Variants in ZNF521 observed in about 807,000 individuals in gnomAD.
ZNF521 encodes the protein zinc finger protein 521.
A neutral mutation model predicts 105.5 loss-of-function variants in ZNF521; 14 were observed. The ratio of observed to expected loss-of-function variants is 0.13; its 90% CI spans 0.09 to 0.21. The LOEUF (loss-of-function observed/expected upper bound fraction) is 0.21. Among genes scored for constraint, ZNF521 ranks in the 10% least tolerant of loss-of-function variants. ZNF521 has a pLI of 1.00. For missense variants in ZNF521, 1,233 were observed against 1,629.7 expected (o/e 0.76, Z 4.19); for synonymous variants, 635 against 606.0 (o/e 1.05, Z -0.70).
intron 3 of ZNF521, among the ~76,000 whole-genome samples, chr18:25,262,492 C>T (rs75453313): frequency 0.015 from 2,301 of 152,212 alleles, 52 homozygotes; most frequent in East Asian, 0.082. Flanking sequence ...TGTTGGTTAT[C>T]CACATCTTAG....
chr18:25,347,349 A>T (rs913332039), intron 2 of ZNF521, among the ~76,000 whole-genome samples: 5 of 152,246 alleles, frequency 3.3e-5, no homozygotes, highest in Non-Finnish European at 7.3e-5. Flanking sequence ...GATTCGTACC[A>T]TAAGGACAGA....
intron 3 of ZNF521, among the ~76,000 whole-genome samples, chr18:25,269,106 CAA>C (rs199827639): frequency 9.6e-4 from 58 of 60,670 alleles, no homozygotes; most frequent in Non-Finnish European, 1.4e-3. Flanking sequence ...AAATGGAAAG[CAA>C]AAAAAAAAAA....
intron 7 of ZNF521, among the ~76,000 whole-genome samples, chr18:25,071,096 T>C (rs368473225): frequency 3.9e-5 from 6 of 152,226 alleles, no homozygotes; most frequent in East Asian, 1.9e-4. Context: ...GAGCTTGCTA[T>C]ACCATGCTTG....
chr18:25,235,090 C>G (rs1033498613), intron 3 of ZNF521, among the ~76,000 whole-genome samples: 1 of 152,132 alleles, frequency 6.6e-6, no homozygotes, highest in African/African-American at 2.4e-5. Flanking sequence ...CACACACTGG[C>G]CAGTTGTGAT....
chr18:25,160,218 A>G (rs1267597079), intron 5 of ZNF521, among the ~76,000 whole-genome samples: 1 of 152,208 alleles, frequency 6.6e-6, no homozygotes, highest in Non-Finnish European at 1.5e-5. Flanking sequence ...AAAAGTCATG[A>G]AAATGAAATC....
At chr18:25,274,802 T>G (rs1466344223) in intron 3 of ZNF521, among the ~76,000 whole-genome samples, 1 of 152,162 alleles carries the variant, frequency 6.6e-6, no homozygotes, top group East Asian at 1.9e-4. Flanking sequence ...GAGTTGTCAT[T>G]TGAATATATT....
chr18:25,321,244 AC>A (rs1912922809), intron 3 of ZNF521, among the ~76,000 whole-genome samples: 1 of 152,218 alleles, frequency 6.6e-6, no homozygotes, highest in Non-Finnish European at 1.5e-5. Context: ...AAAATGCCCT[AC>A]CCAGGCTCAG....
At chr18:25,069,077 T>G (rs534274342) in intron 7 of ZNF521, among the ~76,000 whole-genome samples, 1 of 152,378 alleles carries the variant, frequency 6.6e-6, no homozygotes, top group African/African-American at 2.4e-5. Flanking sequence ...GGCTTAGAGC[T>G]TTTAGTACTA....
chr18:25,333,212 G>A (rs549322979), intron 2 of ZNF521, among the ~76,000 whole-genome samples: 47 of 151,092 alleles, frequency 3.1e-4, no homozygotes, highest in African/African-American at 9.7e-4. Flanking sequence ...ACACATAGGA[G>A]GAAATGGCTG....
At chr18:25,184,850 G>T (rs947093183) in intron 5 of ZNF521, among the ~76,000 whole-genome samples, 1 of 152,118 alleles carries the variant, frequency 6.6e-6, no homozygotes, top group African/African-American at 2.4e-5. Flanking sequence ...GAGTAATAGT[G>T]CCCCTAAATA....
At chr18:25,319,426 T>G (rs1912814238) in intron 3 of ZNF521, among the ~76,000 whole-genome samples, 1 of 152,070 alleles carries the variant, frequency 6.6e-6, no homozygotes, top group Non-Finnish European at 1.5e-5. Context: ...AAACCCTGTC[T>G]CTACTAAAAA....
chr18:25,203,220 A>G (rs775080459), intron 4 of ZNF521, among the ~76,000 whole-genome samples: 2 of 152,208 alleles, frequency 1.3e-5, no homozygotes, highest in Admixed American at 6.5e-5. Context: ...AGAACATGTC[A>G]GAGAGTGACA....
intron 3 of ZNF521, among the ~76,000 whole-genome samples, chr18:25,321,087 A>T (rs1337645791): frequency 6.6e-6 from 1 of 152,240 alleles, no homozygotes; most frequent in Non-Finnish European, 1.5e-5. Context: ...CAGTAAACAC[A>T]TTTCCCATAC....
chr18:25,281,994 T>A (rs948670127), intron 3 of ZNF521, among the ~76,000 whole-genome samples: 1 of 152,148 alleles, frequency 6.6e-6, no homozygotes, highest in African/African-American at 2.4e-5. Context: ...CAAAATAGGA[T>A]CCTGTTTTTC....
chr18:25,176,981 CCTT>C (rs2035546696), intron 5 of ZNF521, among the ~76,000 whole-genome samples: 1 of 152,232 alleles, frequency 6.6e-6, no homozygotes, highest in Non-Finnish European at 1.5e-5. Flanking sequence ...GCCCCCTTCT[CCTT>C]CTGCCTACAT....
chr18:25,249,375 T>G (rs189473928), intron 3 of ZNF521, among the ~76,000 whole-genome samples: 26 of 152,030 alleles, frequency 1.7e-4, no homozygotes, highest in African/African-American at 6.3e-4. Context: ...GCCAGGATGG[T>G]CTCCATCTCC....
rs72874420 is a variant in ZNF521 at position 25,186,919 on chromosome 18, A to G, written c.3658+8241T>C. Among the ~76,000 whole-genome samples the G allele has an allele frequency of 1.1e-3, 157 of 149,310 alleles. 1 individual carries two copies. Among genetic ancestry groups the G allele is most frequent in the East Asian group, 2.6e-3 (13 of 5,026 alleles). On this transcript the variant is annotated intron_variant, in intron 5 of 7. Coordinates refer to ENST00000361524, the MANE Select transcript of ZNF521 (RefSeq NM_015461.3). The stretch of plus-strand genomic sequence containing the variant: ...AAAGTAATGCTAAAAAAAAAAAAAA[A>G]AAGAAAAAGAAAGAAAAAGAAGAAA...
rs147617864 is a variant in ZNF521 at position 25,225,330 on chromosome 18, G to C, written c.2588C>G (p.Thr863Ser). 86 of 1,614,138 alleles carry C rather than the reference G, an allele frequency of 5.3e-5. No homozygotes were observed. The African/African-American group carries it at 9.2e-4, about 17-fold the overall frequency. Reference sequence around the variant, plus strand: ...ACTGTTGTGGGACTCCTGGCTGTTGGTCAGCAAAGTCTGCAGCTCCACTTC... The same window carrying C: ...ACTGTTGTGGGACTCCTGGCTGTTGCTCAGCAAAGTCTGCAGCTCCACTTC... Reference protein sequence around the residue: ...KEEVELQTLLTNSQESHNSHD... With the variant: ...KEEVELQTLLSNSQESHNSHD... The change falls in exon 4 of 8, where the codon ACC (threonine) becomes AGC (serine). Residue 863 changes from threonine to serine, a missense_variant. Around this residue, in one of 6 missense-constraint regions of ZNF521, gnomAD observed 614 missense variants for 751.5 expected, o/e 0.82. Transcript: ENST00000361524. The surrounding 1 kb of genome is among the most constrained non-coding windows in gnomAD (Gnocchi z 5.6).
At chr18:25,319,372 T>C (rs1912811680) in intron 3 of ZNF521, among the ~76,000 whole-genome samples, 1 of 152,162 alleles carries the variant, frequency 6.6e-6, no homozygotes, top group Non-Finnish European at 1.5e-5. Flanking sequence ...GGCAGGCGCA[T>C]CACTTGAGGC....
Sources: gnomAD v4.1 joint callset for allele counts (sites outside exome capture counted in the v4.1 genomes callset) on GRCh38, gnomAD v4.1.1 for gene constraint, gnomAD v4.1.1 regional missense constraint, Gnocchi (gnomAD v3.1) non-coding constraint, MANE v1.5 for transcripts, NCBI Gene and HGNC (gene_info 2026-07-23, HGNC 2026-07-21) for gene names.